The following SPECC1L variants were observed in gnomAD, a reference collection of about 807,000 sequenced individuals.
SPECC1L encodes the protein cytospin-A.
SPECC1L carries 40 observed loss-of-function variants against 116.8 expected under a neutral mutation model. The observed-to-expected ratio is 0.34, with a 90% CI of 0.27 to 0.45. SPECC1L has a LOEUF of 0.45. SPECC1L is among the 20% of genes least tolerant of loss of function. The pLI is 1.00. For missense variants in SPECC1L, 1,110 were observed against 1,373.6 expected, an observed-to-expected ratio of 0.81 and a Z score of 3.03; for synonymous variants, 504 against 500.6, an observed-to-expected ratio of 1.01 and a Z score of -0.09.
chr22:24,406,501 C>G (rs1464699808), intron 14 of SPECC1L, among the ~76,000 whole-genome samples: 1 of 152,188 alleles, frequency 6.6e-6, no homozygotes, highest in African/African-American at 2.4e-5. Context: ...GGATCATTCT[C>G]CTCTCCCTGT....
intron 14 of SPECC1L, among the ~76,000 whole-genome samples, chr22:24,376,307 T>G (rs2146676320): frequency 6.6e-6 from 1 of 152,306 alleles, no homozygotes; most frequent in East Asian, 1.9e-4. Context: ...ACTACAGGTG[T>G]AGGCCATCAC....
At chr22:24,400,713 C>T (rs919476724) in intron 14 of SPECC1L, among the ~76,000 whole-genome samples, 2 of 152,234 alleles carry the variant, frequency 1.3e-5, no homozygotes, top group African/African-American at 4.8e-5. Flanking sequence ...GTATCTGCAT[C>T]CTCACCATGT....
chr22:24,348,593 T>C (rs1034819768), intron 11 of SPECC1L, among the ~76,000 whole-genome samples: 1 of 152,230 alleles, frequency 6.6e-6, no homozygotes, highest in Non-Finnish European at 1.5e-5. Context: ...TCAGAAGGTT[T>C]TGCTAAGGGA....
intron 14 of SPECC1L, among the ~76,000 whole-genome samples, chr22:24,404,732 C>G (rs1178288206): frequency 2.6e-5 from 4 of 152,186 alleles, no homozygotes; most frequent in Non-Finnish European, 4.4e-5. Context: ...TCCTTGAGCC[C>G]TGGCCCATGT....
At chr22:24,360,980 A>G (rs149159986) in intron 11 of SPECC1L, among the ~76,000 whole-genome samples, 1 of 151,640 alleles carries the variant, frequency 6.6e-6, no homozygotes, top group African/African-American at 2.4e-5. Context: ...TGTTTGTTCA[A>G]GATAAGAACA....
intron 2 of SPECC1L, among the ~76,000 whole-genome samples, chr22:24,279,838 A>G (rs1333407277): frequency 6.6e-6 from 1 of 152,164 alleles, no homozygotes; most frequent in South Asian, 2.1e-4. Flanking sequence ...TCAGCCTCCC[A>G]AAGTGCTGGG....
chr22:24,330,376 G>A lies in SPECC1L; in HGVS notation c.2341G>A (p.Ala781Thr). The change falls in exon 8 of 17, where the codon GCT (alanine) becomes ACT (threonine). Residue 781 changes from alanine (A) to threonine (T), a missense_variant. Physicochemically the swap from Ala to Thr is moderately conservative, Grantham distance 58 (BLOSUM62 0). Transcript: ENST00000314328. The stretch of plus-strand genomic sequence containing the variant: ...TGATCTAAAGCGCCGGTTACATGAG[G>A]CTCAAGAAAAAAATGAGAAACTCAC... ...IGDLKRRLHE[A>T]QEKNEKLTKE... 6.2e-7 allele frequency: 1 copy of A among 1,614,114 alleles called. No individual in the cohort carries two copies. The highest frequency in any genetic ancestry group is 8.5e-7 in the Non-Finnish European group (1 of 1,180,018).
intron 2 of SPECC1L, among the ~76,000 whole-genome samples, chr22:24,300,527 TG>T (rs1287305164): frequency 6.6e-6 from 1 of 152,228 alleles, no homozygotes; most frequent in Admixed American, 6.5e-5. Context: ...TTTCTGGTTC[TG>T]GATCCTTGAG....
chr22:24,325,389 GA>G (rs541632416), intron 6 of SPECC1L, among the ~76,000 whole-genome samples: 144 of 150,080 alleles, frequency 9.6e-4, no homozygotes, highest in Non-Finnish European at 1.9e-3. Flanking sequence ...TTGTTTCCAG[GA>G]AAAAAAAATA....
chr22:24,315,109 A>G (rs1038996652), intron 4 of SPECC1L, among the ~76,000 whole-genome samples: 1 of 152,264 alleles, frequency 6.6e-6, no homozygotes, highest in Non-Finnish European at 1.5e-5. Flanking sequence ...AAATTACATC[A>G]GATCCTTTTC....
At chr22:24,291,467 T>C (rs1055099964) in intron 2 of SPECC1L, among the ~76,000 whole-genome samples, 4 of 152,080 alleles carry the variant, frequency 2.6e-5, no homozygotes. Flanking sequence ...TAAGCTAATG[T>C]TGTTTGTTGA....
intron 10 of SPECC1L, among the ~76,000 whole-genome samples, chr22:24,339,877 C>T (rs754475853): frequency 6.6e-6 from 1 of 152,028 alleles, no homozygotes; most frequent in African/African-American, 2.4e-5. Context: ...CTCTGCCTCC[C>T]AGGCCCAACC....
At chr22:24,363,924 T>A (rs892155324) in intron 12 of SPECC1L, among the ~76,000 whole-genome samples, 2 of 1,638 alleles carry the variant, frequency 1.2e-3, no homozygotes, top group East Asian at 0.019. Flanking sequence ...GCGGTGGGGG[T>A]GGGGGTGGGG....
chr22:24,362,400 G>A (rs537564561), intron 11 of SPECC1L, among the ~76,000 whole-genome samples: 1 of 152,204 alleles, frequency 6.6e-6, no homozygotes, highest in Admixed American at 6.5e-5. Flanking sequence ...AAGACAGCTT[G>A]TGTTTAGAGA....
chr22:24,407,112 G>C (rs2042607126), intron 14 of SPECC1L, among the ~76,000 whole-genome samples: 1 of 152,196 alleles, frequency 6.6e-6, no homozygotes, highest in Non-Finnish European at 1.5e-5. Flanking sequence ...TTGGAGCCAC[G>C]TGCAGCAGTC....
intron 14 of SPECC1L, among the ~76,000 whole-genome samples, chr22:24,390,721 T>C (rs2042246137): frequency 1.3e-5 from 2 of 152,046 alleles, no homozygotes; most frequent in African/African-American, 4.8e-5. Context: ...TGGAGTCTAA[T>C]CATTTTCTGT....
intron 10 of SPECC1L, among the ~76,000 whole-genome samples, chr22:24,344,407 A>G (rs1238984971): frequency 1.3e-5 from 2 of 152,114 alleles, no homozygotes; most frequent in African/African-American, 2.4e-5. Flanking sequence ...ACATCCATTC[A>G]TAGTAAAACT....
intron 1 of SPECC1L, among the ~76,000 whole-genome samples, chr22:24,272,931 T>C (rs1031173433): frequency 2.4e-4 from 37 of 152,160 alleles, no homozygotes; most frequent in Admixed American, 5.9e-4. Flanking sequence ...AGGGGTTTTC[T>C]TGACATTTTC....
At chr22:24,408,788 G>A (rs2042639722) in intron 14 of SPECC1L, among the ~76,000 whole-genome samples, 1 of 152,258 alleles carries the variant, frequency 6.6e-6, no homozygotes, top group Admixed American at 6.5e-5. Context: ...ACAGACACTG[G>A]AACGTTCTGG....
Sources: gnomAD v4.1 joint callset for allele counts (sites outside exome capture counted in the v4.1 genomes callset) on GRCh38, gnomAD v4.1.1 for gene constraint, MANE v1.5 for transcripts, NCBI Gene and HGNC (gene_info 2026-07-23, HGNC 2026-07-21) for gene names.